The following CDC42BPB variants were observed in gnomAD, a reference collection of about 807,000 sequenced individuals.
The protein encoded by CDC42BPB is serine/threonine-protein kinase MRCK beta.
Under a neutral mutation model 214.9 loss-of-function variants are expected in CDC42BPB, and 37 were observed. The ratio of observed to expected loss-of-function variants is 0.17; its 90% CI spans 0.13 to 0.23. The LOEUF is 0.23. Ranked by LOEUF, CDC42BPB falls within the 10% of genes least tolerant of loss-of-function variation. The pLI is 1.00. For synonymous variants in CDC42BPB, 931 were observed against 884.0 expected (o/e 1.05, Z -0.94); for missense variants, 1,694 against 2,227.0 (o/e 0.76, Z 4.82).
At chr14:103,049,068 A>G (rs1307984131) in intron 1 of CDC42BPB, among the ~76,000 whole-genome samples, 2 of 152,248 alleles carry the variant, frequency 1.3e-5, no homozygotes, top group African/African-American at 4.8e-5. Context: ...TATTTGGAAC[A>G]CAGAAAAAGA....
At position 102,978,067 on chromosome 14, in the gene CDC42BPB, T is replaced by C. The variant is rs2139504510; in HGVS notation, c.1220+59A>G. 1.5e-6 allele frequency: 2 copies of C among 1,333,088 alleles called. 1 individual carries two copies. Among genetic ancestry groups the C allele is most frequent in the South Asian group, 2.4e-5 (2 of 85,042 alleles). The allele number at this position is 1,333,088 out of a possible 1,614,324, so 82.6% of individuals were successfully genotyped here. A position where few individuals can be genotyped will look rare whatever the true frequency, so the allele number is the denominator to read the frequency against. ...GCCCCCAGGGACAGACTGTGGTGTC[T>C]GACTGTTCATCTACCACAGGGGAAG... On this transcript the variant is annotated intron_variant, in intron 9 of 36. Coordinates refer to ENST00000361246, the MANE Select transcript of CDC42BPB (RefSeq NM_006035.4).
At chr14:102,999,224 A>G (rs1595126655) in intron 5 of CDC42BPB, among the ~76,000 whole-genome samples, 2 of 116,928 alleles carry the variant, frequency 1.7e-5, no homozygotes, top group Non-Finnish European at 3.6e-5. Flanking sequence ...TGGGCGGTAG[A>G]GACAGAGGAC....
chr14:102,966,900 G>A, intron 17 of CDC42BPB, 146 bp downstream of exon 17: 1 of 909,366 alleles, frequency 1.1e-6, no homozygotes, highest in Non-Finnish European at 1.7e-6. Context: ...GACATGAGAA[G>A]TTCTGGGGAA....
chr14:102,998,804 A>C (rs933873849), intron 5 of CDC42BPB, among the ~76,000 whole-genome samples: 7 of 152,182 alleles, frequency 4.6e-5, no homozygotes, highest in Non-Finnish European at 1.0e-4. Flanking sequence ...AGAGTTGAGA[A>C]AGAATGTGGG....
intron 19 of CDC42BPB, among the ~76,000 whole-genome samples, chr14:102,964,106 A>G (rs1193944631): frequency 6.6e-6 from 1 of 152,252 alleles, no homozygotes; most frequent in Non-Finnish European, 1.5e-5. Context: ...CTGTTTTAAA[A>G]TATTCACGTT....
intron 3 of CDC42BPB, among the ~76,000 whole-genome samples, chr14:103,005,874 G>A (rs916506353): frequency 6.6e-6 from 1 of 152,080 alleles, no homozygotes; most frequent in Non-Finnish European, 1.5e-5. Flanking sequence ...ACAAAAATTA[G>A]CTAGGCGTGG....
At chr14:103,039,856 T>A (rs1171294837) in intron 1 of CDC42BPB, among the ~76,000 whole-genome samples, 1 of 152,136 alleles carries the variant, frequency 6.6e-6, no homozygotes, top group African/African-American at 2.4e-5. Context: ...ATTTTATATA[T>A]AAAATTTATA....
At chr14:103,012,020 G>A in intron 2 of CDC42BPB, 77 bp downstream of exon 2, 1 of 893,476 alleles carries the variant, frequency 1.1e-6, no homozygotes, top group Non-Finnish European at 1.9e-6. Flanking sequence ...CAATGTATAG[G>A]TGCACAAAAA....
intron 36 of CDC42BPB, among the ~76,000 whole-genome samples, chr14:102,934,964 C>T (rs1477517730): frequency 1.0e-4 from 15 of 148,846 alleles, no homozygotes; most frequent in Admixed American, 7.4e-4. Context: ...GAGCCGAGAT[C>T]GCATCACTGC....
intron 5 of CDC42BPB, among the ~76,000 whole-genome samples, chr14:102,996,433 C>T (rs2139581034): frequency 6.6e-6 from 1 of 152,256 alleles, no homozygotes; most frequent in East Asian, 1.9e-4. Flanking sequence ...CCCTGGAGAT[C>T]TGTGATAAAT....
chr14:103,003,026 C>T (rs1895061930), intron 4 of CDC42BPB, among the ~76,000 whole-genome samples: 1 of 152,156 alleles, frequency 6.6e-6, no homozygotes. Flanking sequence ...AACCCAGGAG[C>T]TTCAGGTGGA....
At chr14:102,997,373 C>T (rs1257684409) in intron 5 of CDC42BPB, among the ~76,000 whole-genome samples, 2 of 152,112 alleles carry the variant, frequency 1.3e-5, no homozygotes, top group Non-Finnish European at 1.5e-5. Context: ...TCTCATATAC[C>T]CCCCTTCCAG....
intron 19 of CDC42BPB, 71 bp from the exon 20 acceptor site, chr14:102,963,226 A>C (rs1315671968): frequency 5.2e-6 from 8 of 1,528,568 alleles, no homozygotes; most frequent in Non-Finnish European, 7.0e-6. Flanking sequence ...GGGGCAGGTC[A>C]GGATGAGAGA....
chr14:103,001,518 C>T lies in CDC42BPB; in HGVS notation c.448-1805G>A, dbSNP rs918909931. ...GCTAGGAGGAAAGTGGCAGCGGCACCCTGGAGCCTGCCAAAAGGGGAGGGC... is the reference window on the plus strand; with the variant it reads ...GCTAGGAGGAAAGTGGCAGCGGCACTCTGGAGCCTGCCAAAAGGGGAGGGC... On this transcript the variant is annotated intron_variant, in intron 4 of 36. Transcript: ENST00000361246. The surrounding 1 kb of genome is among the most constrained non-coding windows in gnomAD (Gnocchi z 5.8). 2.6e-5 allele frequency among the ~76,000 whole-genome samples: 4 copies of T among 152,192 alleles called. No homozygotes were observed. The highest frequency in any genetic ancestry group is 6.5e-5 in the Admixed American group (1 of 15,290).
intron 1 of CDC42BPB, among the ~76,000 whole-genome samples, chr14:103,019,721 A>T (rs1886662207): frequency 6.6e-6 from 1 of 152,264 alleles, no homozygotes; most frequent in Non-Finnish European, 1.5e-5. Context: ...TAGACAGCTT[A>T]ACTTTTACTG....
intron 1 of CDC42BPB, among the ~76,000 whole-genome samples, chr14:103,040,250 G>A (rs1887911190): frequency 6.6e-6 from 1 of 151,980 alleles, no homozygotes; most frequent in East Asian, 2.0e-4. Flanking sequence ...AGCTACTCGG[G>A]AGGCTGAGGC....
At position 103,013,382 on chromosome 14, in the gene CDC42BPB, C is replaced by T. The variant is rs1037223014; in HGVS notation, c.176-1194G>A. ...CACTGCTCTTCCCGGCCTCCTCACGCGGACTCTCTGAGACTAATTCTGTTA... is the reference window on the plus strand; with the variant it reads ...CACTGCTCTTCCCGGCCTCCTCACGTGGACTCTCTGAGACTAATTCTGTTA... On this transcript the variant is annotated intron_variant, in intron 1 of 36. Coordinates refer to ENST00000361246, the MANE Select transcript of CDC42BPB (RefSeq NM_006035.4). 5.3e-5 allele frequency among the ~76,000 whole-genome samples: 8 copies of T among 152,220 alleles called. No individual in the cohort carries two copies. In the East Asian group the frequency reaches 5.8e-4, roughly 11 times the overall value.
chr14:102,962,592 G>A (rs1028038642), intron 20 of CDC42BPB, among the ~76,000 whole-genome samples: 2 of 152,250 alleles, frequency 1.3e-5, no homozygotes, highest in Non-Finnish European at 2.9e-5. Flanking sequence ...GCTCACACCT[G>A]TAATTCCAGC....
chr14:102,981,303 C>T (rs750853171), intron 7 of CDC42BPB: 49 of 531,118 alleles, frequency 9.2e-5, no homozygotes, highest in African/African-American at 2.9e-4. Flanking sequence ...ATGCCGTGCG[C>T]GGGAAGAGGG....
Sources: gnomAD v4.1 joint callset for allele counts (sites outside exome capture counted in the v4.1 genomes callset) on GRCh38, gnomAD v4.1.1 for gene constraint, Gnocchi (gnomAD v3.1) non-coding constraint, MANE v1.5 for transcripts, NCBI Gene and HGNC (gene_info 2026-07-23, HGNC 2026-07-21) for gene names.